The following MCPH1 variants were observed in gnomAD, a reference collection of about 807,000 sequenced individuals.
The protein encoded by MCPH1 is microcephalin 1, also known as microcephalin.
In MCPH1, 104 loss-of-function variants were observed where a neutral mutation model predicts 84.5. That is an observed-to-expected ratio of 1.23 (90% confidence interval 1.05 to 1.45). The LOEUF (loss-of-function observed/expected upper bound fraction) is 1.45, where lower values mean the gene tolerates loss of function less well. Among genes scored for constraint, MCPH1 ranks in the 40% most tolerant of loss-of-function variants. The pLI is 0.00. For synonymous variants in MCPH1, 514 were observed against 366.8 expected (o/e 1.40, Z -4.58); for missense variants, 1,498 against 1,005.7 (o/e 1.49, Z -6.62).
At chr8:6,600,269 G>C (rs887184033) in intron 12 of MCPH1, among the ~76,000 whole-genome samples, 4 of 152,226 alleles carry the variant, frequency 2.6e-5, no homozygotes, top group African/African-American at 9.6e-5. Context: ...CTTAGTCAGG[G>C]ACCCCCAGGG....
chr8:6,497,249 A>T (rs1171225042), intron 11 of MCPH1, among the ~76,000 whole-genome samples: 1 of 151,914 alleles, frequency 6.6e-6, no homozygotes, highest in Admixed American at 6.6e-5. Context: ...GAGAGGCCGA[A>T]GCAGGTGGAT....
intron 12 of MCPH1, among the ~76,000 whole-genome samples, chr8:6,595,129 A>C (rs1828820161): frequency 6.6e-6 from 1 of 152,202 alleles, no homozygotes; most frequent in South Asian, 2.1e-4. Context: ...TCAGTAAAAC[A>C]GAGATGATTG....
At chr8:6,563,178 G>A (rs1413498405) in intron 12 of MCPH1, 3 of 364,496 alleles carry the variant, frequency 8.2e-6, no homozygotes, top group Admixed American at 7.6e-5. Context: ...TGGGAGGGCT[G>A]TGTCAGCTTT....
At chr8:6,592,181 C>G (rs546972443) in intron 12 of MCPH1, among the ~76,000 whole-genome samples, 16 of 152,214 alleles carry the variant, frequency 1.1e-4, no homozygotes, top group African/African-American at 3.9e-4. Flanking sequence ...GAGACAGGAC[C>G]TTGTTCTGTC....
chr8:6,532,568 T>C, intron 12 of MCPH1: 1 of 794,116 alleles, frequency 1.3e-6, no homozygotes, highest in Non-Finnish European at 1.7e-6. Flanking sequence ...GTCTCCTCCC[T>C]ATCTTTAAAA....
At chr8:6,561,100 C>A (rs547938275) in intron 12 of MCPH1, among the ~76,000 whole-genome samples, 1 of 152,322 alleles carries the variant, frequency 6.6e-6, no homozygotes, top group African/African-American at 2.4e-5. Context: ...ATATAGTTTG[C>A]CTTCCACATA....
rs139246496 is a variant in MCPH1, at chr8:6,411,144, A to G, written c.114+1774A>G. 1.0e-3 allele frequency among the ~76,000 whole-genome samples: 153 copies of G among 152,088 alleles called. 4 individuals are homozygous for G. Among genetic ancestry groups the G allele is most frequent in the Admixed American group, 3.9e-4 (6 of 15,258 alleles). On this transcript the variant is annotated intron_variant, in intron 2 of 13. Transcript: ENST00000344683. ...ATCCGATGGTGAAGATTTTGGCCTGATGTCAAAAGGTCATTTCTTGGGCAT... is the reference window on the plus strand; with the variant it reads ...ATCCGATGGTGAAGATTTTGGCCTGGTGTCAAAAGGTCATTTCTTGGGCAT...
intron 13 of MCPH1, chr8:6,642,695 A>C (rs1586907880): frequency 4.3e-6 from 2 of 467,164 alleles, no homozygotes; most frequent in Admixed American, 3.3e-5. Flanking sequence ...CAAGCTTCCC[A>C]CCCTGCCCAC....
Position 6,621,613 on chromosome 8 carries a change from C to T in MCPH1, c.2374C>T (p.Gln792Ter), listed in dbSNP as rs1391540755. Reference sequence around the variant, plus strand: ...AGGCCGGGTCAGCCAAGTCCCCCGCCAGGCCAGCATCGTCATCGGGCCCTA... The same window carrying T: ...AGGCCGGGTCAGCCAAGTCCCCCGCTAGGCCAGCATCGTCATCGGGCCCTA... ...CGGRVSQVPR[Q>*]ASIVIGPYSG... Residue 792 changes from glutamine to a stop codon, truncating the protein, a stop_gained, in exon 13 of 14, where the codon CAG (glutamine) becomes TAG (stop). Coordinates refer to ENST00000344683, the MANE Select transcript of MCPH1 (RefSeq NM_024596.5). LOFTEE classifies it high-confidence loss of function. 24 of 1,614,252 alleles carry T rather than the reference C, an allele frequency of 1.5e-5. No individual in the cohort carries two copies. Among genetic ancestry groups the T allele is most frequent in the East Asian group, 4.5e-5 (2 of 44,886 alleles).
At chr8:6,593,221 T>C (rs963984307) in intron 12 of MCPH1, among the ~76,000 whole-genome samples, 4 of 142,018 alleles carry the variant, frequency 2.8e-5, no homozygotes, top group Non-Finnish European at 4.6e-5. Flanking sequence ...GTAGCTGGGA[T>C]TACAGGCATG....
intron 13 of MCPH1, among the ~76,000 whole-genome samples, chr8:6,637,685 G>C (rs947691011): frequency 6.6e-6 from 1 of 152,152 alleles, no homozygotes; most frequent in African/African-American, 2.4e-5. Context: ...TGGATACAGA[G>C]TCTCCCAATG....
At chr8:6,422,526 C>G (rs949368554) in intron 3 of MCPH1, among the ~76,000 whole-genome samples, 1 of 152,188 alleles carries the variant, frequency 6.6e-6, no homozygotes, top group African/African-American at 2.4e-5. Context: ...GTGTGTTCTG[C>G]TGAGAGTTAG....
chr8:6,410,393 A>G (rs928818889), intron 2 of MCPH1, among the ~76,000 whole-genome samples: 1 of 152,214 alleles, frequency 6.6e-6, no homozygotes, highest in Admixed American at 6.5e-5. Context: ...GGATTTGAAC[A>G]CTGTAAGGTC....
intron 4 of MCPH1, 99 bp downstream of exon 4, chr8:6,431,685 G>A: frequency 1.2e-6 from 1 of 815,146 alleles, no homozygotes; most frequent in Non-Finnish European, 2.0e-6. Context: ...ATATTCAAGA[G>A]TTGTCTTAAA....
chr8:6,473,946 C>T lies in MCPH1; in HGVS notation c.1936-3648C>T, dbSNP rs1808098222. The T allele has an allele frequency of 4.3e-6, 6 of 1,403,446 alleles. No individual in the cohort carries two copies. In the South Asian group the frequency reaches 4.9e-5, roughly 12 times the overall value. 86.9% of individuals were successfully genotyped at this position (1,403,446 alleles called of 1,614,324 possible). ...TTGCTGGGCAGCCGATGCACAACTT[C>T]TTCCTTGTAGGATGCCGTGGCTTCT... is the stretch of plus-strand genomic sequence containing the variant. On this transcript the variant is annotated intron_variant, in intron 9 of 13. Transcript: ENST00000344683.
chr8:6,583,018 T>A (rs1015827517), intron 12 of MCPH1, among the ~76,000 whole-genome samples: 4 of 152,208 alleles, frequency 2.6e-5, no homozygotes, highest in African/African-American at 9.6e-5. Context: ...GGTGAGGTAT[T>A]CATCACATTG....
At chr8:6,608,766 C>G (rs933694224) in intron 12 of MCPH1, among the ~76,000 whole-genome samples, 7 of 152,226 alleles carry the variant, frequency 4.6e-5, no homozygotes, top group African/African-American at 1.4e-4. Flanking sequence ...CCCTAGCAGT[C>G]AAGTTTGAGA....
At chr8:6,482,617 G>T (rs992524147) in intron 11 of MCPH1, among the ~76,000 whole-genome samples, 2 of 152,204 alleles carry the variant, frequency 1.3e-5, no homozygotes, top group Non-Finnish European at 2.9e-5. Flanking sequence ...CTGGGACTTG[G>T]AGCAGTCCAT....
At chr8:6,522,946 G>C (rs17077313) in intron 12 of MCPH1, among the ~76,000 whole-genome samples, 13,073 of 151,958 alleles carry the variant, frequency 0.086, 722 homozygotes, top group African/African-American at 0.15. Flanking sequence ...CCAGCGCTAT[G>C]GCATGTACTT....
Sources: gnomAD v4.1 joint callset for allele counts (sites outside exome capture counted in the v4.1 genomes callset) on GRCh38, gnomAD v4.1.1 for gene constraint, MANE v1.5 for transcripts, NCBI Gene and HGNC (gene_info 2026-07-23, HGNC 2026-07-21) for gene names.